The following SERPINA3 variants were observed in gnomAD, a reference collection of about 807,000 sequenced individuals.
SERPINA3 encodes serpin family A member 3, also known as alpha-1-antichymotrypsin.
A neutral mutation model predicts 26.8 loss-of-function variants in SERPINA3; 32 were observed. The observed-to-expected ratio is 1.20, with a 90% confidence interval of 0.90 to 1.61. The LOEUF (loss-of-function observed/expected upper bound fraction) is 1.61, where lower values mean the gene tolerates loss of function less well. Among genes scored for constraint, SERPINA3 ranks in the 40% most tolerant of loss-of-function variants. The probability of loss-of-function intolerance (pLI) is 0.00; values close to 1 mark genes in which losing one functional copy is unlikely to be tolerated. For synonymous variants in SERPINA3, 252 were observed against 206.4 expected, an observed-to-expected ratio of 1.22 and a Z score of -1.89; for missense variants, 632 against 517.9, an observed-to-expected ratio of 1.22 and a Z score of -2.14.
chr14:94,619,335 A>T lies in SERPINA3; in HGVS notation c.784A>T (p.Thr262Ser), dbSNP rs1427982854. The T allele has an allele frequency of 6.2e-7, 1 of 1,614,196 alleles. No individual in the cohort carries two copies. The highest frequency in any genetic ancestry group is 1.3e-5 in the African/African-American group (1 of 75,056). Residue 262 changes from threonine (T) to serine (S), a missense_variant, in exon 3 of 5, where the codon ACC (threonine) becomes TCC (serine). Coordinates refer to ENST00000393078, the MANE Select transcript of SERPINA3 (RefSeq NM_001085.5). ...PYFRDEELSC[T>S]VVELKYTGNA... ...CTTCCGGGACGAGGAGCTGTCCTGCACCGTGGTGGAGCTGAAGTACACAGG... is the reference window on the plus strand; with the variant it reads ...CTTCCGGGACGAGGAGCTGTCCTGCTCCGTGGTGGAGCTGAAGTACACAGG...
intron 1 of SERPINA3, chr14:94,613,562 T>C (rs1885866005): frequency 6.6e-6 from 1 of 152,172 alleles, no homozygotes; most frequent in Admixed American, 6.5e-5. Context: ...CTTAACAGGT[T>C]GTGCAGAGAC....
At chr14:94,623,505 G>A in intron 4 of SERPINA3, 106 bp from the exon 5 acceptor site, 3 of 1,019,992 alleles carry the variant, frequency 2.9e-6, no homozygotes, top group Non-Finnish European at 4.6e-6. Context: ...AGACAGGCCA[G>A]CACTAGGTGC....
At position 94,614,673 on chromosome 14, in the gene SERPINA3, C is replaced by T; in HGVS notation, c.232C>T (p.Leu78=). The T allele has an allele frequency of 1.9e-6, 3 of 1,614,094 alleles. No homozygotes were observed. The highest frequency in any genetic ancestry group is 1.1e-5 in the South Asian group (1 of 91,064). ...TGATAAGAATGTCATCTTCTCCCCACTGAGCATCTCCACCGCCTTGGCCTT... is the reference window on the plus strand; with the variant it reads ...TGATAAGAATGTCATCTTCTCCCCATTGAGCATCTCCACCGCCTTGGCCTT... The part of the protein sequence containing the change: ...APDKNVIFSP[L]SISTALAFLS... Residue 78 remains leucine, a synonymous_variant, in exon 2 of 5, where the codon CTG becomes TTG. Transcript: ENST00000393078.
At chr14:94,613,908 G>T (rs1242041075) in intron 1 of SERPINA3, 2 of 161,254 alleles carry the variant, frequency 1.2e-5, no homozygotes, top group East Asian at 3.5e-4. Flanking sequence ...GCCACACCAC[G>T]TGACATCTAG....
intron 3 of SERPINA3, among the ~76,000 whole-genome samples, chr14:94,620,979 C>T (rs1886180928): frequency 1.3e-5 from 2 of 152,084 alleles, no homozygotes. Flanking sequence ...ATGTCCTTTC[C>T]CCACCACCCC....
At chr14:94,619,820 T>C (rs1886135897) in intron 3 of SERPINA3, 5 of 381,436 alleles carry the variant, frequency 1.3e-5, no homozygotes, top group Non-Finnish European at 2.5e-5. Context: ...TGCAGTGAGA[T>C]GGACTCTGAG....
chr14:94,623,343 A>G (rs1482190188), intron 4 of SERPINA3, among the ~76,000 whole-genome samples: 2 of 152,210 alleles, frequency 1.3e-5, no homozygotes, highest in African/African-American at 4.8e-5. Context: ...CTCAGACACA[A>G]AGGGATGCAT....
intron 3 of SERPINA3, among the ~76,000 whole-genome samples, chr14:94,621,264 G>T (rs1354082417): frequency 6.6e-6 from 1 of 152,192 alleles, no homozygotes; most frequent in Admixed American, 6.5e-5. Flanking sequence ...CCACCAGGGA[G>T]CAGGGGCTCA....
chr14:94,622,570 T>C (rs976358201), intron 4 of SERPINA3, 79 bp downstream of exon 4: 1 of 1,521,808 alleles, frequency 6.6e-7, no homozygotes, highest in Non-Finnish European at 9.0e-7. Context: ...TTTTGGGTAC[T>C]CTTGAACTTG....
In SERPINA3 at chr14:94,623,619, T is replaced by C; in HGVS notation, c.1077T>C (p.His359=). 6.2e-7 allele frequency: 1 copy of C among 1,614,078 alleles called. No homozygotes were observed. The highest frequency in any genetic ancestry group is 2.2e-5 in the East Asian group (1 of 44,884). The change falls in exon 5 of 5, where the codon CAT becomes CAC. Residue 359 remains histidine, a synonymous_variant. Transcript: ENST00000393078. ...ARNLAVSQVV[H]KAVLDVFEEG... ...TTCTGCTGTCCCCACAGGTGGTCCA[T>C]AAGGCTGTGCTTGATGTATTTGAGG...
intron 3 of SERPINA3, among the ~76,000 whole-genome samples, chr14:94,620,798 G>A (rs1358518568): frequency 2.6e-5 from 4 of 152,192 alleles, no homozygotes; most frequent in Admixed American, 2.6e-4. Context: ...GTGAGGAGGA[G>A]CAGTAGTTCC....
rs765747359 is a variant in SERPINA3 at position 94,623,804 on chromosome 14, A to T, written c.1262A>T (p.Lys421Met). Residue 421 changes from lysine (K) to methionine (M), a missense_variant, in exon 5 of 5, where the codon AAG becomes ATG. Transcript: ENST00000393078. Reference protein sequence around the residue: ...IFFMSKVTNPKQA With the variant: ...IFFMSKVTNPMQA ...TTCATGAGCAAAGTCACCAATCCCAAGCAAGCCTAGAGCTTGCCATCAAGC... is the reference window on the plus strand; with the variant it reads ...TTCATGAGCAAAGTCACCAATCCCATGCAAGCCTAGAGCTTGCCATCAAGC... 1 of 1,614,052 alleles carries T rather than the reference A, an allele frequency of 6.2e-7. No homozygotes were observed. Among genetic ancestry groups the T allele is most frequent in the East Asian group, 2.2e-5 (1 of 44,842 alleles).
chr14:94,618,999 G>T, intron 2 of SERPINA3, 196 bp from the exon 3 acceptor site: 1 of 648,640 alleles, frequency 1.5e-6, no homozygotes, highest in Non-Finnish European at 2.8e-6. Context: ...TCTTTCTTTT[G>T]TGGCCCTTTT....
chr14:94,612,874 C>T (rs1213961928), intron 1 of SERPINA3, among the ~76,000 whole-genome samples: 1 of 152,128 alleles, frequency 6.6e-6, no homozygotes, highest in Admixed American at 6.5e-5. Context: ...TCAGGGTCTC[C>T]ATGGGGCTGC....
In SERPINA3 at chr14:94,614,755, T is replaced by A; in HGVS notation, c.314T>A (p.Phe105Tyr). The A allele has an allele frequency of 6.2e-7, 1 of 1,614,144 alleles. No individual in the cohort carries two copies. The highest frequency in any genetic ancestry group is 8.5e-7 in the Non-Finnish European group (1 of 1,180,026). The change falls in exon 2 of 5, where the codon TTC (phenylalanine) becomes TAC (tyrosine). Residue 105 changes from phenylalanine (F) to tyrosine (Y), a missense_variant. Coordinates refer to ENST00000393078, the MANE Select transcript of SERPINA3 (RefSeq NM_001085.5). ...ACAGAGATTCTCAAAGGCCTCAAGT[T>A]CAACCTCACGGAGACTTCTGAGGCA... is the stretch of plus-strand genomic sequence containing the variant. Reference protein sequence around the residue: ...TLTEILKGLKFNLTETSEAEI... With the variant: ...TLTEILKGLKYNLTETSEAEI...
chr14:94,621,362 C>T (rs1234760883), intron 3 of SERPINA3, among the ~76,000 whole-genome samples: 1 of 152,178 alleles, frequency 6.6e-6, no homozygotes, highest in Non-Finnish European at 1.5e-5. Context: ...TCCTGGCCCA[C>T]AGAGAATGCT....
chr14:94,622,465 G>T lies in SERPINA3; in HGVS notation c.1042G>T (p.Gly348Trp), dbSNP rs1180740486. ...CAAGGCTGACCTGTCAGGGATCACA[G>T]GGGCCAGGAACCTAGCAGTCTCCCA... The part of the protein sequence containing the change: ...TSKADLSGIT[G>W]ARNLAVSQVV... Residue 348 changes from glycine to tryptophan, a missense_variant, in exon 4 of 5, where the codon GGG becomes TGG. By Grantham distance (184) the Gly-to-Trp change is radical. Coordinates refer to ENST00000393078, the MANE Select transcript of SERPINA3 (RefSeq NM_001085.5). The T allele has an allele frequency of 1.2e-6, 2 of 1,614,202 alleles. No homozygotes were observed. Among genetic ancestry groups the T allele is most frequent in the South Asian group, 2.2e-5 (2 of 91,088 alleles).
Position 94,614,684 on chromosome 14 carries a change from C to T in SERPINA3, c.243C>T (p.Ser81=), listed in dbSNP as rs1199892329. 5.6e-6 allele frequency: 9 copies of T among 1,614,032 alleles called. No individual in the cohort carries two copies. Among genetic ancestry groups the T allele is most frequent in the East Asian group, 2.2e-5 (1 of 44,888 alleles). ...KNVIFSPLSI[S]TALAFLSLGA... ...TCATCTTCTCCCCACTGAGCATCTC[C>T]ACCGCCTTGGCCTTCCTGTCTCTGG... The change falls in exon 2 of 5, where the codon TCC becomes TCT. Residue 81 remains serine (S), a synonymous_variant. Coordinates refer to ENST00000393078, the MANE Select transcript of SERPINA3 (RefSeq NM_001085.5).
At chr14:94,621,755 G>A (rs1028920808) in intron 3 of SERPINA3, among the ~76,000 whole-genome samples, 3 of 151,186 alleles carry the variant, frequency 2.0e-5, no homozygotes, top group African/African-American at 7.3e-5. Flanking sequence ...TTTTTGACCT[G>A]CCTCTGGCTC....
Sources: allele counts gnomAD v4.1 joint callset (sites outside exome capture counted in the v4.1 genomes callset), GRCh38; gene constraint gnomAD v4.1.1; transcripts MANE v1.5; gene names NCBI Gene and HGNC (gene_info 2026-07-23, HGNC 2026-07-21).